The following WDFY3 variants were observed in gnomAD, a reference collection of about 807,000 sequenced individuals.
WDFY3 encodes the protein WD repeat and FYVE domain-containing protein 3.
A neutral mutation model predicts 409.6 loss-of-function variants in WDFY3; 66 were observed. That is an observed-to-expected ratio of 0.16 (90% CI 0.13 to 0.20). The LOEUF (loss-of-function observed/expected upper bound fraction) is 0.20. WDFY3 is among the 10% of genes least tolerant of loss of function. The pLI is 1.00. For missense variants in WDFY3, 3,031 were observed against 4,298.1 expected (o/e 0.71, Z 8.24); for synonymous variants, 1,521 against 1,537.1 (o/e 0.99, Z 0.25).
chr4:84,774,028 T>C (rs1470002850), intron 29 of WDFY3, among the ~76,000 whole-genome samples: 1 of 152,174 alleles, frequency 6.6e-6, no homozygotes, highest in Non-Finnish European at 1.5e-5. Context: ...CCCCCCAGGT[T>C]TAAAAATATG....
At chr4:84,733,658 A>G in intron 43 of WDFY3, 49 bp from the exon 44 acceptor site, 1 of 1,530,850 alleles carries the variant, frequency 6.5e-7, no homozygotes, top group Non-Finnish European at 8.9e-7. Flanking sequence ...CAGGAGTAAC[A>G]GTAACAAGTC....
intron 56 of WDFY3, among the ~76,000 whole-genome samples, chr4:84,698,558 C>G (rs1471808083): frequency 6.6e-6 from 1 of 152,172 alleles, no homozygotes; most frequent in Admixed American, 6.5e-5. Context: ...TAGGCAAGAG[C>G]CAGTGCTCCG....
intron 51 of WDFY3, among the ~76,000 whole-genome samples, chr4:84,711,101 A>C (rs920110712): frequency 6.6e-6 from 1 of 152,354 alleles, no homozygotes; most frequent in Admixed American, 6.5e-5. Flanking sequence ...TCTAATAATT[A>C]ATTTACAGCC....
At position 84,673,003 on chromosome 4, in the gene WDFY3, G is replaced by A. The variant is rs1725664048; in HGVS notation, c.10458-12C>T. ...GAAAGCGACTGCACCTAAAGGAAAG[G>A]AAAAGTCAATTAATTATAGGTCTTC... On this transcript the variant is annotated splice_polypyrimidine_tract_variant and intron_variant, in intron 67 of 67. Coordinates refer to ENST00000295888, the MANE Select transcript of WDFY3 (RefSeq NM_014991.6). 1 of 1,613,734 alleles carries A rather than the reference G, an allele frequency of 6.2e-7. No individual in the cohort carries two copies.
At chr4:84,690,802 C>G (rs1344216802) in intron 60 of WDFY3, 138 bp from the exon 61 acceptor site, 1 of 1,072,892 alleles carries the variant, frequency 9.3e-7, no homozygotes, top group Non-Finnish European at 1.3e-6. Context: ...AGCTTTAGTT[C>G]AGAAGCATAT....
chr4:84,707,519 C>T (rs746961258), intron 53 of WDFY3, among the ~76,000 whole-genome samples: 6 of 152,084 alleles, frequency 3.9e-5, no homozygotes, highest in Non-Finnish European at 5.9e-5. Flanking sequence ...GGGGAATACA[C>T]GGTGAAGGTC....
At chr4:84,940,294 T>A (rs1050125979) in intron 1 of WDFY3, among the ~76,000 whole-genome samples, 1 of 152,138 alleles carries the variant, frequency 6.6e-6, no homozygotes, top group Non-Finnish European at 1.5e-5. Flanking sequence ...TATAGCACCA[T>A]GTTATTAGTA....
chr4:84,784,891 T>TATATATATATATATACACAC (rs1238884117), intron 24 of WDFY3, among the ~76,000 whole-genome samples: 1 of 36,914 alleles, frequency 2.7e-5, no homozygotes, highest in African/African-American at 7.7e-5. Flanking sequence ...TATATATATA[T>TATATATATATATATACACAC]ACACACACAC....
intron 15 of WDFY3, 62 bp downstream of exon 15, chr4:84,808,272 T>G (rs1269196448): frequency 7.7e-7 from 1 of 1,290,906 alleles, no homozygotes; most frequent in African/African-American, 1.5e-5. Context: ...TTAACATAAA[T>G]AAGCACAGAA....
rs1328413409 is a variant in WDFY3, at chr4:84,803,481, A to G, written c.2430-14T>C. 1.9e-6 allele frequency: 3 copies of G among 1,595,164 alleles called. No individual in the cohort carries two copies. The African/African-American group carries it at 4.0e-5, about 22-fold the overall frequency. The stretch of plus-strand genomic sequence containing the variant: ...TGATATGCATGCCTATAAAAAAAGA[A>G]AGAGTAAATTTGGTATTGAATTCCA... On this transcript the variant is annotated splice_polypyrimidine_tract_variant and intron_variant, in intron 15 of 67. Coordinates refer to ENST00000295888, the MANE Select transcript of WDFY3 (RefSeq NM_014991.6).
chr4:84,779,754 G>C (rs575708469), intron 26 of WDFY3, among the ~76,000 whole-genome samples: 15 of 152,208 alleles, frequency 9.9e-5, no homozygotes, highest in African/African-American at 3.6e-4. Flanking sequence ...TTTCAGGAAG[G>C]GGGAATAGGA....
chr4:84,731,044 G>A (rs1736512673), intron 44 of WDFY3, among the ~76,000 whole-genome samples: 1 of 152,092 alleles, frequency 6.6e-6, no homozygotes, highest in African/African-American at 2.4e-5. Context: ...TGATCCACCT[G>A]CCTCGGCCTC....
intron 15 of WDFY3, chr4:84,803,873 T>C (rs1179456904): frequency 1.9e-5 from 3 of 159,690 alleles, no homozygotes; most frequent in African/African-American, 7.2e-5. Flanking sequence ...ATTTTATCTT[T>C]TGAAATTACC....
At chr4:84,786,514 T>TA (rs1578512189) in intron 23 of WDFY3, among the ~76,000 whole-genome samples, 2 of 152,250 alleles carry the variant, frequency 1.3e-5, no homozygotes, top group East Asian at 3.9e-4. Flanking sequence ...TCCCCTCCCC[T>TA]AAAAAAGCAC....
rs1287265195 is a variant in WDFY3 at position 84,751,599 on chromosome 4, G to T, written c.5857C>A (p.Leu1953Met). Residue 1953 changes from leucine to methionine, a missense_variant, in exon 36 of 68, where the codon CTG becomes ATG. Physicochemically the swap from Leu to Met is conservative, Grantham distance 15. Around this residue, in one of 16 missense-constraint regions of WDFY3, gnomAD observed 314 missense variants for 397.4 expected, o/e 0.79. Coordinates refer to ENST00000295888, the MANE Select transcript of WDFY3 (RefSeq NM_014991.6). Reference protein sequence around the residue: ...EYCNVGTKTYLTNHPAKKFVF... With the variant: ...EYCNVGTKTYMTNHPAKKFVF... ...AACTTTTTAGCCGGGTGATTGGTCA[G>T]ATATGTCTTGGTGCCCACATTGCAG... 1 of 1,614,198 alleles carries T rather than the reference G, an allele frequency of 6.2e-7. No homozygotes were observed. The highest frequency in any genetic ancestry group is 8.5e-7 in the Non-Finnish European group (1 of 1,180,034).
At chr4:84,949,444 T>C (rs1460575613) in intron 1 of WDFY3, among the ~76,000 whole-genome samples, 4 of 152,182 alleles carry the variant, frequency 2.6e-5, no homozygotes, top group Admixed American at 1.3e-4. Flanking sequence ...TTTGTAAATA[T>C]GTTCTAGATT....
At chr4:84,692,243 T>A (rs545949784) in intron 59 of WDFY3, among the ~76,000 whole-genome samples, 1 of 152,196 alleles carries the variant, frequency 6.6e-6, no homozygotes, top group Non-Finnish European at 1.5e-5. Flanking sequence ...ATGACCATAT[T>A]ACTACTCCAG....
chr4:84,871,872 G>A (rs1023870869), intron 3 of WDFY3, among the ~76,000 whole-genome samples: 4 of 152,170 alleles, frequency 2.6e-5, no homozygotes, highest in African/African-American at 9.7e-5. Context: ...TGGCTCAAGT[G>A]ATCTGCTCAC....
At position 84,763,555 on chromosome 4, in the gene WDFY3, A is replaced by C. The variant is rs569909164; in HGVS notation, c.5188+2255T>G. On this transcript the variant is annotated intron_variant, in intron 32 of 67. Coordinates refer to ENST00000295888, the MANE Select transcript of WDFY3 (RefSeq NM_014991.6). ...CAGAAATTAAAGTAAAATTTTAAAA[A>C]ATCTATTTTTATAAAGAAAAATTTT... Among the ~76,000 whole-genome samples, 77 of 152,272 alleles carry C rather than the reference A, an allele frequency of 5.1e-4. 1 individual carries two copies. In the South Asian group the frequency reaches 0.015, roughly 30 times the overall value.
Sources: allele counts gnomAD v4.1 joint callset (sites outside exome capture counted in the v4.1 genomes callset), GRCh38; gene constraint gnomAD v4.1.1; regional missense constraint gnomAD v4.1.1; transcripts MANE v1.5; gene names NCBI Gene and HGNC (gene_info 2026-07-23, HGNC 2026-07-21).